Variants in HDAC9 observed in about 807,000 individuals in gnomAD.
The protein encoded by HDAC9 is MEF-2 interacting transcription repressor (MITR) protein.
A neutral mutation model predicts 139.4 loss-of-function variants in HDAC9; 41 were observed. The observed-to-expected ratio is 0.29, with a 90% CI of 0.23 to 0.38. HDAC9 has a LOEUF of 0.38. Ranked by LOEUF, HDAC9 falls within the 10% of genes least tolerant of loss-of-function variation. The probability of loss-of-function intolerance (pLI) is 1.00; values close to 1 mark genes in which losing one functional copy is unlikely to be tolerated. For synonymous variants in HDAC9, 517 were observed against 476.2 expected (o/e 1.09, Z -1.12); for missense variants, 1,147 against 1,297.0 (o/e 0.88, Z 1.78).
chr7:18,649,324 A>T (rs1251989191), intron 11 of HDAC9, among the ~76,000 whole-genome samples: 45 of 152,066 alleles, frequency 3.0e-4, no homozygotes, highest in Admixed American at 2.9e-3. Context: ...CCAGTAAAGG[A>T]TTTTCTATGA....
intron 1 of HDAC9, among the ~76,000 whole-genome samples, chr7:18,473,467 A>G (rs1322328943): frequency 6.6e-6 from 1 of 152,222 alleles, no homozygotes; most frequent in Non-Finnish European, 1.5e-5. Flanking sequence ...TTCCACTAAT[A>G]TGTGTATTCA....
chr7:18,319,331 A>G (rs1238308131), intron 1 of HDAC9, among the ~76,000 whole-genome samples: 1 of 152,198 alleles, frequency 6.6e-6, no homozygotes, highest in African/African-American at 2.4e-5. Flanking sequence ...TTAAACATAA[A>G]CTATAAAGCC....
intron 2 of HDAC9, among the ~76,000 whole-genome samples, chr7:18,510,529 T>G (rs986597819): frequency 6.6e-6 from 1 of 152,108 alleles, no homozygotes; most frequent in African/African-American, 2.4e-5. Context: ...AATAGGTGGA[T>G]TTTTCTGTTA....
At chr7:18,175,868 T>G (rs752219277) in intron 2 of HDAC9, among the ~76,000 whole-genome samples, 18 of 149,414 alleles carry the variant, frequency 1.2e-4, no homozygotes, top group Non-Finnish European at 2.1e-4. Context: ...CATTGCATAA[T>G]TAACCTTTTC....
intron 23 of HDAC9, among the ~76,000 whole-genome samples, chr7:18,948,334 T>C (rs991755430): frequency 6.6e-6 from 1 of 152,126 alleles, no homozygotes; most frequent in Non-Finnish European, 1.5e-5. Context: ...AGATGTTCAT[T>C]TAAATTATGA....
chr7:18,888,827 C>T (rs767052864), intron 22 of HDAC9, among the ~76,000 whole-genome samples: 9 of 152,178 alleles, frequency 5.9e-5, no homozygotes, highest in Non-Finnish European at 1.2e-4. Flanking sequence ...TTGATTGCTG[C>T]ATGCTTGTGT....
At chr7:18,410,127 T>C (rs1014951460) in intron 1 of HDAC9, among the ~76,000 whole-genome samples, 3 of 152,176 alleles carry the variant, frequency 2.0e-5, no homozygotes, top group Admixed American at 6.5e-5. Flanking sequence ...TCTTGGTAAA[T>C]ATATAATGTA....
chr7:18,952,786 C>A (rs567619451), intron 23 of HDAC9, among the ~76,000 whole-genome samples: 14 of 150,792 alleles, frequency 9.3e-5, no homozygotes, highest in Non-Finnish European at 2.1e-4. Flanking sequence ...TATTTCAGAA[C>A]CTTGTACTGC....
At chr7:18,530,134 T>TA (rs367850725) in intron 2 of HDAC9, among the ~76,000 whole-genome samples, 6 of 150,804 alleles carry the variant, frequency 4.0e-5, no homozygotes, top group South Asian at 2.1e-4. Flanking sequence ...GAAATAAAAA[T>TA]AAAAAAAATA....
chr7:18,184,225 C>T (rs1212655517), intron 2 of HDAC9, among the ~76,000 whole-genome samples: 2 of 152,068 alleles, frequency 1.3e-5, no homozygotes, highest in Non-Finnish European at 2.9e-5. Flanking sequence ...ATGGAGAAAC[C>T]CCGTCTCTAC....
chr7:18,401,523 T>C (rs1787540643), intron 1 of HDAC9, among the ~76,000 whole-genome samples: 1 of 152,168 alleles, frequency 6.6e-6, no homozygotes, highest in African/African-American at 2.4e-5. Flanking sequence ...GGGTATACTG[T>C]GGTGATCATC....
intron 24 of HDAC9, among the ~76,000 whole-genome samples, chr7:18,972,126 G>C (rs1382692197): frequency 6.6e-6 from 1 of 152,260 alleles, no homozygotes; most frequent in Middle Eastern, 3.4e-3. Context: ...TCATAGAAAA[G>C]AAAAGGTTTT....
intron 1 of HDAC9, among the ~76,000 whole-genome samples, chr7:18,351,093 C>T (rs1040230899): frequency 7.2e-5 from 11 of 152,064 alleles, no homozygotes; most frequent in Non-Finnish European, 1.0e-4. Flanking sequence ...ATTTAGTAGT[C>T]GGCTGTAAAT....
rs550230649 is a variant in HDAC9 at position 18,578,946 on chromosome 7, T to G, written c.23-6335T>G. ...AACCAGATAACTTCCTAATCAGTAT[T>G]GAGTATTGCTATAGGAAGTTATTCC... is the stretch of plus-strand genomic sequence containing the variant. On this transcript the variant is annotated intron_variant, in intron 2 of 25. Coordinates refer to ENST00000686413, the MANE Select transcript of HDAC9 (RefSeq NM_178425.4). Among the ~76,000 whole-genome samples the G allele has an allele frequency of 8.5e-5, 13 of 152,324 alleles. No individual in the cohort carries two copies. The South Asian group carries it at 2.5e-3, about 29-fold the overall frequency.
intron 13 of HDAC9, among the ~76,000 whole-genome samples, chr7:18,747,163 A>G (rs998075628): frequency 6.6e-6 from 1 of 152,186 alleles, no homozygotes; most frequent in Admixed American, 6.5e-5. Context: ...AGATATATGA[A>G]TTGAAGCTGG....
At chr7:18,572,077 A>G (rs1398257740) in intron 2 of HDAC9, among the ~76,000 whole-genome samples, 2 of 151,892 alleles carry the variant, frequency 1.3e-5, no homozygotes, top group Non-Finnish European at 1.5e-5. Context: ...TTTGCTGAGT[A>G]ATATGTTTAG....
chr7:18,984,946 A>G (rs1490193548), intron 25 of HDAC9, among the ~76,000 whole-genome samples: 3 of 152,080 alleles, frequency 2.0e-5, no homozygotes, highest in African/African-American at 7.2e-5. Context: ...TTGGGCTTTT[A>G]TTTCTGCACA....
Position 18,573,834 on chromosome 7 carries a change from AAG to A in HDAC9, c.23-11442_23-11441del, listed in dbSNP as rs532357291. 1.5e-3 allele frequency among the ~76,000 whole-genome samples: 234 copies of A among 152,264 alleles called. 1 individual carries two copies. The highest frequency in any genetic ancestry group is 6.8e-3 in the Middle Eastern group (2 of 294). ...AGATGCCTGGAACCACTGAACCCCA[AAG>A]AGAGTGTCACAGCCCCCTGGCTCAG... On this transcript the variant is annotated intron_variant, in intron 2 of 25. Transcript: ENST00000686413.
chr7:18,722,005 T>C (rs1454563159), intron 12 of HDAC9, among the ~76,000 whole-genome samples: 1 of 152,214 alleles, frequency 6.6e-6, no homozygotes, highest in Non-Finnish European at 1.5e-5. Flanking sequence ...CTAGGCAATA[T>C]TGAGGAATTT....
Sources: allele counts gnomAD v4.1 joint callset (sites outside exome capture counted in the v4.1 genomes callset), GRCh38; gene constraint gnomAD v4.1.1; transcripts MANE v1.5; gene names NCBI Gene and HGNC (gene_info 2026-07-23, HGNC 2026-07-21).